LY96: variants seen among roughly 807,000 people sequenced by gnomAD.
The protein encoded by LY96 is myeloid differentiation protein-2.
LY96 carries 18 observed loss-of-function variants against 18.9 expected under a neutral mutation model. The ratio of observed to expected loss-of-function variants is 0.95; its 90% CI spans 0.66 to 1.41. The LOEUF (loss-of-function observed/expected upper bound fraction) is 1.41. Ranked by LOEUF, LY96 falls within the 40% of genes most tolerant of loss-of-function variation. LY96 has a pLI of 0.00. For missense variants in LY96, 175 were observed against 182.4 expected, an observed-to-expected ratio of 0.96 and a Z score of 0.23; for synonymous variants, 66 against 62.6, an observed-to-expected ratio of 1.06 and a Z score of -0.26.
chr8:74,007,139 G>C (rs1037896170), intron 2 of LY96, among the ~76,000 whole-genome samples: 1 of 152,232 alleles, frequency 6.6e-6, no homozygotes, highest in Non-Finnish European at 1.5e-5. Context: ...TGTTGTAAGA[G>C]ACCCATGACA....
the LY96 span, among the ~76,000 whole-genome samples, chr8:74,081,597 C>A: frequency 2.0e-5 from 3 of 151,724 alleles, no homozygotes; most frequent in Non-Finnish European, 2.9e-5. Context: ...TCTTGCTATG[C>A]TGTCCAGTCT....
At chr8:74,081,137 C>T in the LY96 span, among the ~76,000 whole-genome samples, 4 of 140,612 alleles carry the variant, frequency 2.8e-5, no homozygotes, top group African/African-American at 8.0e-5. Context: ...TTCCTTCCTT[C>T]CTTCCTTCTT....
chr8:74,059,602 GA>G, the LY96 span, among the ~76,000 whole-genome samples: 4 of 151,698 alleles, frequency 2.6e-5, no homozygotes, highest in South Asian at 4.2e-4. Context: ...CTTCCTTATG[GA>G]AAAAAAATAA....
chr8:74,083,889 G>A, the LY96 span, among the ~76,000 whole-genome samples: 1 of 151,680 alleles, frequency 6.6e-6, no homozygotes. Flanking sequence ...GTCTCACTAT[G>A]TTGTCGAGGC....
the LY96 span, among the ~76,000 whole-genome samples, chr8:74,094,069 A>C: frequency 2.0e-5 from 3 of 152,156 alleles, no homozygotes; most frequent in African/African-American, 7.2e-5. Flanking sequence ...GGAGTAGTCC[A>C]TTTATGACTC....
chr8:74,037,932 G>A, the LY96 span, among the ~76,000 whole-genome samples: 10 of 152,052 alleles, frequency 6.6e-5, no homozygotes, highest in African/African-American at 9.7e-5. Flanking sequence ...ATAGTTGCAG[G>A]GTTAACTTAT....
the LY96 span, among the ~76,000 whole-genome samples, chr8:74,046,104 C>T: frequency 6.6e-6 from 1 of 152,126 alleles, no homozygotes; most frequent in Non-Finnish European, 1.5e-5. Flanking sequence ...CACAGTGAAA[C>T]CCCATCTCTA....
intron 1 of LY96, 90 bp from the exon 2 acceptor site, chr8:74,004,706 A>G: frequency 2.5e-6 from 3 of 1,207,292 alleles, no homozygotes; most frequent in Non-Finnish European, 3.5e-6. Context: ...TTTTAATGCA[A>G]GATTCATCTT....
the LY96 span, among the ~76,000 whole-genome samples, chr8:74,035,187 T>TTTGGCTTTTTGTTTA: frequency 6.6e-6 from 1 of 152,214 alleles, no homozygotes; most frequent in African/African-American, 2.4e-5. Context: ...TAACCTTCCC[T>TTTGGCTTTTTGTTTA]TTGGCTTTTT....
chr8:74,065,690 C>A, the LY96 span, among the ~76,000 whole-genome samples: 2 of 152,164 alleles, frequency 1.3e-5, no homozygotes, highest in Non-Finnish European at 2.9e-5. Flanking sequence ...CATTACTTAT[C>A]CATTAGGACA....
At chr8:74,072,894 G>A in the LY96 span, among the ~76,000 whole-genome samples, 1 of 152,304 alleles carries the variant, frequency 6.6e-6, no homozygotes, top group Non-Finnish European at 1.5e-5. Context: ...GGTCCAACCA[G>A]GGGAGCAGAA....
At chr8:74,099,512 GT>G in the LY96 span, 1 of 152,146 alleles carries the variant, frequency 6.6e-6, no homozygotes, top group African/African-American at 2.4e-5. Flanking sequence ...TGCAGCAAAG[GT>G]TTTCCTGTCA....
the LY96 span, among the ~76,000 whole-genome samples, chr8:74,047,006 A>G: frequency 1.3e-5 from 2 of 150,702 alleles, no homozygotes; most frequent in African/African-American, 4.9e-5. Flanking sequence ...GGTTCAAGCC[A>G]TTATCCTGCC....
chr8:74,000,678 C>T (rs771843858), intron 1 of LY96, among the ~76,000 whole-genome samples: 1 of 152,172 alleles, frequency 6.6e-6, no homozygotes, highest in Non-Finnish European at 1.5e-5. Context: ...AACACCTCAC[C>T]TCTCTGGCAC....
the LY96 span, among the ~76,000 whole-genome samples, chr8:74,042,345 A>AC: frequency 6.6e-6 from 1 of 151,908 alleles, no homozygotes; most frequent in Non-Finnish European, 1.5e-5. Flanking sequence ...ACATGGTGAA[A>AC]CCCCATCTCT....
chr8:74,033,899 A>AT (rs1817008595), downstream of LY96, among the ~76,000 whole-genome samples: 1 of 134,216 alleles, frequency 7.5e-6, no homozygotes, highest in Admixed American at 7.4e-5. Context: ...ACAATTGGAG[A>AT]CTTTTTTTTT....
downstream of LY96, among the ~76,000 whole-genome samples, chr8:74,033,793 C>T (rs939203568): frequency 6.6e-6 from 1 of 152,192 alleles, no homozygotes; most frequent in African/African-American, 2.4e-5. Flanking sequence ...TCTCTCTGAG[C>T]TCTCCAGAAT....
At chr8:74,065,439 T>C in the LY96 span, among the ~76,000 whole-genome samples, 1 of 152,238 alleles carries the variant, frequency 6.6e-6, no homozygotes, top group Non-Finnish European at 1.5e-5. Context: ...ATTTTGGTTG[T>C]ATTATTCTTA....
In LY96 at chr8:74,028,245, AG is replaced by A. The variant is rs1816909535; in HGVS notation, c.385-709del. ...AGCCACCACACCCAGCCTTAGTATT[AG>A]GTCTTTTGGTATTTTTTCTTTCTGT... On this transcript the variant is annotated intron_variant, in intron 4 of 4. Transcript: ENST00000284818. 2.6e-5 allele frequency among the ~76,000 whole-genome samples: 4 copies of A among 152,172 alleles called. No individual in the cohort carries two copies. The South Asian group carries it at 8.3e-4, about 32-fold the overall frequency.
Sources: allele counts gnomAD v4.1 joint callset (sites outside exome capture counted in the v4.1 genomes callset), GRCh38; gene constraint gnomAD v4.1.1; transcripts MANE v1.5; gene names NCBI Gene and HGNC (gene_info 2026-07-23, HGNC 2026-07-21).